Variants in IQSEC1 observed in about 807,000 individuals in gnomAD.
IQSEC1 encodes IQ motif and Sec7 domain ArfGEF 1, also known as IQ motif and SEC7 domain-containing protein 1.
Under a neutral mutation model 91.0 loss-of-function variants are expected in IQSEC1, and 31 were observed. That is an observed-to-expected ratio of 0.34 (90% CI 0.26 to 0.46). The LOEUF (loss-of-function observed/expected upper bound fraction) is 0.46. Among genes scored for constraint, IQSEC1 ranks in the 20% least tolerant of loss-of-function variants. The probability of loss-of-function intolerance (pLI) is 1.00; values close to 1 mark genes in which losing one functional copy is unlikely to be tolerated. For synonymous variants in IQSEC1, 699 were observed against 662.6 expected (o/e 1.05, Z -0.84); for missense variants, 1,388 against 1,575.6 (o/e 0.88, Z 2.02).
chr3:13,088,963 C>T (rs111878095), intron 2 of IQSEC1, among the ~76,000 whole-genome samples: 10,172 of 152,356 alleles, frequency 0.067, 424 homozygotes, highest in Middle Eastern at 0.19. Context: ...TGGACAGAGA[C>T]AGCAGCAGTG....
Position 13,073,015 on chromosome 3 carries a change from C to T in IQSEC1, c.-1G>A. ...ACAAATAGCGTCTTCTGCAAGCCAT[C>T]CTGTGTGAATCCGTTCTTCCCTGTT... On this transcript the variant is annotated 5_prime_UTR_variant, in exon 1 of 14. Coordinates refer to ENST00000613206, the MANE Select transcript of IQSEC1 (RefSeq NM_001134382.3). 5 of 1,551,784 alleles carry T rather than the reference C, an allele frequency of 3.2e-6. No homozygotes were observed. The highest frequency in any genetic ancestry group is 4.4e-6 in the Non-Finnish European group (5 of 1,147,004).
At chr3:13,019,669 T>A (rs538911570) in intron 1 of IQSEC1, among the ~76,000 whole-genome samples, 1 of 152,242 alleles carries the variant, frequency 6.6e-6, no homozygotes, top group South Asian at 2.1e-4. Flanking sequence ...AGGCCCATCC[T>A]CCCCAGTTAA....
At position 12,935,741 on chromosome 3, in the gene IQSEC1, G is replaced by A. The variant is rs567926542; in HGVS notation, c.1275C>T (p.Pro425=). ...GGCTGTCCAGGGGCCTGGGGGGCCG[G>A]GGCCGCAACTCAGGCTCCTCCCGGG... ...SLPREEPELR[P]RPPRPLDSHL... is the part of the protein sequence containing the mutation. Residue 425 remains proline, a synonymous_variant, in exon 3 of 14, where the codon CCC becomes CCT. Coordinates refer to ENST00000613206, the MANE Select transcript of IQSEC1 (RefSeq NM_001134382.3). The surrounding 1 kb of genome is among the most constrained non-coding windows in gnomAD (Gnocchi z 8.0). 6.2e-7 allele frequency: 1 copy of A among 1,610,964 alleles called. No homozygotes were observed. Among genetic ancestry groups the A allele is most frequent in the African/African-American group, 1.3e-5 (1 of 75,014 alleles).
At chr3:12,981,439 A>G (rs957694793) in intron 1 of IQSEC1, among the ~76,000 whole-genome samples, 13 of 152,166 alleles carry the variant, frequency 8.5e-5, no homozygotes, top group Non-Finnish European at 1.3e-4. Context: ...CAAGAAACTA[A>G]TAACACGAGA....
chr3:13,123,989 A>G (rs1292811020), intron 2 of IQSEC1, among the ~76,000 whole-genome samples: 1 of 152,242 alleles, frequency 6.6e-6, no homozygotes, highest in African/African-American at 2.4e-5. Context: ...TGCATTGGGT[A>G]TGACAGCTTT....
chr3:12,918,102 G>A (rs930750438), intron 6 of IQSEC1, among the ~76,000 whole-genome samples: 1 of 152,224 alleles, frequency 6.6e-6, no homozygotes, highest in African/African-American at 2.4e-5. Flanking sequence ...CCATTTCTTG[G>A]TTGATGTGAC....
In IQSEC1 at chr3:12,915,729, C is replaced by T; in HGVS notation, c.2025G>A (p.Val675=). 1 of 1,614,008 alleles carries T rather than the reference C, an allele frequency of 6.2e-7. No individual in the cohort carries two copies. Among genetic ancestry groups the T allele is most frequent in the African/African-American group, 1.3e-5 (1 of 75,030 alleles). Residue 675 remains valine, a synonymous_variant, in exon 7 of 14, where the codon GTG becomes GTA. Coordinates refer to ENST00000613206, the MANE Select transcript of IQSEC1 (RefSeq NM_001134382.3). ...LEDFIKNLRG[V]DDGEDIPREM... is the part of the protein sequence containing the mutation. ...CACGGGGAATGTCCTCACCATCGTC[C>T]ACACCTGGGTAGGGGATGCAGCTGG...
chr3:13,116,618 C>T (rs1388771060), intron 2 of IQSEC1, among the ~76,000 whole-genome samples: 3 of 152,134 alleles, frequency 2.0e-5, no homozygotes, highest in Non-Finnish European at 2.9e-5. Context: ...AGCTGACTCC[C>T]GGCCGGGCGC....
At chr3:13,139,392 G>A (rs965215041) in intron 2 of IQSEC1, among the ~76,000 whole-genome samples, 1 of 152,200 alleles carries the variant, frequency 6.6e-6, no homozygotes, top group Non-Finnish European at 1.5e-5. Flanking sequence ...TGGTGAATCC[G>A]AAGGGCTAGG....
At chr3:13,122,198 T>C (rs1019235420) in intron 2 of IQSEC1, among the ~76,000 whole-genome samples, 6 of 152,160 alleles carry the variant, frequency 3.9e-5, no homozygotes, top group African/African-American at 1.4e-4. Context: ...AAAACACCCG[T>C]ATAAAGACCT....
In IQSEC1 at chr3:12,908,385, C is replaced by A. The variant is rs754408494; in HGVS notation, c.2719G>T (p.Ala907Ser). ...YASGEGLKRS[A>S]LSSSLRDLSE... ...AGGTCCCGCAGGGAGCTGCTGAGGG[C>A]GCTGCGCTTGAGGCCCTCACCGCTG... The change falls in exon 12 of 14, where the codon GCC (alanine) becomes TCC (serine). Residue 907 changes from alanine to serine, a missense_variant. This residue lies in a region of IQSEC1 where 1,059 missense variants were observed against 1,317.8 expected (regional missense o/e 0.80). Coordinates refer to ENST00000613206, the MANE Select transcript of IQSEC1 (RefSeq NM_001134382.3). This position sits in a 1 kb window ranked among gnomAD's most constrained non-coding sequence, Gnocchi z 4.9. 2 of 1,612,382 alleles carry A rather than the reference C, an allele frequency of 1.2e-6. No homozygotes were observed. Among genetic ancestry groups the A allele is most frequent in the Non-Finnish European group, 1.7e-6 (2 of 1,180,030 alleles).
chr3:13,274,298 C>A (rs994941686), intron 1 of IQSEC1, among the ~76,000 whole-genome samples: 1 of 152,080 alleles, frequency 6.6e-6, no homozygotes, highest in African/African-American at 2.4e-5. Context: ...GAGGATCCCA[C>A]CCCGCACCTT....
At position 12,990,093 on chromosome 3, in the gene IQSEC1, G is replaced by C. The variant is rs374740506; in HGVS notation, c.24-48228C>G. ...ATGAAATGCTCCCATAATACCCCTC[G>C]GCACTTGGCTTTATTAAAACACGTT... is the stretch of plus-strand genomic sequence containing the variant. On this transcript the variant is annotated intron_variant, in intron 1 of 13. Coordinates refer to ENST00000613206, the MANE Select transcript of IQSEC1 (RefSeq NM_001134382.3). Among the ~76,000 whole-genome samples, 11 of 152,210 alleles carry C rather than the reference G, an allele frequency of 7.2e-5. 1 individual carries two copies. The highest frequency in any genetic ancestry group is 5.2e-4 in the Admixed American group (8 of 15,302).
intron 1 of IQSEC1, among the ~76,000 whole-genome samples, chr3:13,176,336 G>A (rs1039086313): frequency 1.1e-4 from 17 of 152,138 alleles, no homozygotes; most frequent in African/African-American, 4.1e-4. Context: ...AGACGGTTCG[G>A]GGGTCTTTAG....
intron 1 of IQSEC1, among the ~76,000 whole-genome samples, chr3:13,213,439 C>T (rs925135543): frequency 2.0e-5 from 3 of 152,298 alleles, no homozygotes; most frequent in African/African-American, 4.8e-5. Flanking sequence ...GTAACTTGGA[C>T]ATCGGGAGTT....
chr3:13,231,899 C>T (rs990517246), intron 1 of IQSEC1, among the ~76,000 whole-genome samples: 3 of 152,234 alleles, frequency 2.0e-5, no homozygotes, highest in Non-Finnish European at 2.9e-5. Flanking sequence ...GACTTCTGAG[C>T]TGCTGACATC....
chr3:13,054,581 C>A (rs1028056643), intron 1 of IQSEC1, among the ~76,000 whole-genome samples: 5 of 152,338 alleles, frequency 3.3e-5, no homozygotes, highest in East Asian at 1.9e-4. Context: ...AAGAAGGGAG[C>A]CTAACAGCGA....
intron 2 of IQSEC1, among the ~76,000 whole-genome samples, chr3:13,162,453 G>T (rs1362253283): frequency 6.6e-6 from 1 of 152,148 alleles, no homozygotes. Context: ...CTAACCTGTT[G>T]TTTTGAATTA....
chr3:12,907,984 CAG>C (rs1254392284), intron 12 of IQSEC1, among the ~76,000 whole-genome samples: 1 of 152,196 alleles, frequency 6.6e-6, no homozygotes, highest in Non-Finnish European at 1.5e-5. Context: ...GCATGAAGCA[CAG>C]GGACGCGGCC....
Sources: allele counts gnomAD v4.1 joint callset (sites outside exome capture counted in the v4.1 genomes callset), GRCh38; gene constraint gnomAD v4.1.1; regional missense constraint gnomAD v4.1.1; non-coding constraint Gnocchi (gnomAD v3.1); transcripts MANE v1.5; gene names NCBI Gene and HGNC (gene_info 2026-07-23, HGNC 2026-07-21).